The following INVS variants were observed in gnomAD, a reference collection of about 807,000 sequenced individuals.
The protein encoded by INVS is inversion of embryo turning homolog.
A neutral mutation model predicts 108.8 loss-of-function variants in INVS; 86 were observed. The observed-to-expected ratio is 0.79, with a 90% CI of 0.66 to 0.95. INVS has a LOEUF of 0.95. Among genes scored for constraint, INVS ranks in the 40% least tolerant of loss-of-function variants. The pLI, the probability that INVS is intolerant of heterozygous loss-of-function variation, is 0.00. For synonymous variants in INVS, 455 were observed against 473.5 expected (o/e 0.96, Z 0.51); for missense variants, 1,169 against 1,297.4 (o/e 0.90, Z 1.52).
intron 4 of INVS, among the ~76,000 whole-genome samples, chr9:100,227,406 C>T (rs1403411568): frequency 1.3e-5 from 2 of 152,124 alleles, no homozygotes; most frequent in Non-Finnish European, 2.9e-5. Context: ...GATTGGATTG[C>T]TGACAATGCT....
At chr9:100,220,771 C>T (rs941520866) in intron 3 of INVS, among the ~76,000 whole-genome samples, 1 of 152,040 alleles carries the variant, frequency 6.6e-6, no homozygotes, top group Admixed American at 6.6e-5. Context: ...CTGAGGCAGG[C>T]GGATCACCTG....
chr9:100,122,564 TTAAG>T (rs1456771518), intron 2 of INVS, among the ~76,000 whole-genome samples: 1 of 147,844 alleles, frequency 6.8e-6, no homozygotes, highest in Non-Finnish European at 1.5e-5. Flanking sequence ...TTATTGTATT[TTAAG>T]TGAGTTTCTT....
intron 2 of INVS, among the ~76,000 whole-genome samples, chr9:100,121,975 T>C (rs1198014719): frequency 1.3e-5 from 2 of 152,230 alleles, no homozygotes; most frequent in Non-Finnish European, 2.9e-5. Context: ...AAATATTTTG[T>C]TATTTCTTGT....
At chr9:100,272,703 A>C (rs1266630563) in intron 11 of INVS, among the ~76,000 whole-genome samples, 161 bp from the exon 12 acceptor site, 25 of 152,162 alleles carry the variant, frequency 1.6e-4, no homozygotes, top group Non-Finnish European at 1.5e-5. Flanking sequence ...CCCTCGGAGA[A>C]AAAAAGAATA....
intron 3 of INVS, among the ~76,000 whole-genome samples, chr9:100,141,890 G>A (rs966158196): frequency 6.6e-6 from 1 of 152,206 alleles, no homozygotes; most frequent in African/African-American, 2.4e-5. Context: ...ATGGGCCTGT[G>A]AGGCTGGAAG....
chr9:100,268,254 T>C (rs1415826918), intron 11 of INVS, among the ~76,000 whole-genome samples: 2 of 152,216 alleles, frequency 1.3e-5, no homozygotes, highest in South Asian at 4.1e-4. Context: ...TGGGGAGATG[T>C]GCTGTGCTAC....
intron 3 of INVS, among the ~76,000 whole-genome samples, chr9:100,176,645 T>G (rs1564145227): frequency 6.6e-6 from 1 of 151,952 alleles, no homozygotes; most frequent in Non-Finnish European, 1.5e-5. Context: ...CCCAGCTATT[T>G]TGTTGTATTT....
intron 3 of INVS, among the ~76,000 whole-genome samples, chr9:100,223,793 C>T (rs1360973129): frequency 6.6e-6 from 1 of 152,258 alleles, no homozygotes; most frequent in Non-Finnish European, 1.5e-5. Context: ...TACAGATCCT[C>T]TTTCCTAGCC....
intron 5 of INVS, among the ~76,000 whole-genome samples, chr9:100,235,363 T>A (rs1831653145): frequency 6.6e-6 from 1 of 152,240 alleles, no homozygotes; most frequent in Non-Finnish European, 1.5e-5. Flanking sequence ...TTAGCCCATT[T>A]ACATTTATGG....
intron 16 of INVS, chr9:100,298,239 G>A: frequency 1.4e-6 from 2 of 1,425,246 alleles, no homozygotes; most frequent in Non-Finnish European, 9.2e-7. Context: ...GAAATAAATG[G>A]TAGCTATTAT....
intron 5 of INVS, among the ~76,000 whole-genome samples, chr9:100,235,590 A>G (rs977574647): frequency 6.6e-6 from 1 of 152,112 alleles, no homozygotes; most frequent in African/African-American, 2.4e-5. Context: ...GCATTTGCTT[A>G]TCTGTAAAGG....
intron 8 of INVS, among the ~76,000 whole-genome samples, chr9:100,248,886 G>GA (rs895422281): frequency 2.7e-5 from 4 of 149,934 alleles, no homozygotes; most frequent in African/African-American, 7.3e-5. Flanking sequence ...TCTTTTTTTA[G>GA]AAAAAAAAAG....
chr9:100,276,793 C>A (rs1041921517), intron 12 of INVS, among the ~76,000 whole-genome samples: 3 of 152,188 alleles, frequency 2.0e-5, no homozygotes, highest in African/African-American at 2.4e-5. Context: ...GCATGAGCCA[C>A]CACGCCCAGC....
intron 8 of INVS, among the ~76,000 whole-genome samples, chr9:100,249,130 C>G (rs1297070971): frequency 6.6e-6 from 1 of 151,916 alleles, no homozygotes; most frequent in Non-Finnish European, 1.5e-5. Context: ...CCTTTTCCCC[C>G]AAATGAAAAT....
At chr9:100,110,601 C>G (rs1564116870) in intron 2 of INVS, among the ~76,000 whole-genome samples, 1 of 152,112 alleles carries the variant, frequency 6.6e-6, no homozygotes, top group Non-Finnish European at 1.5e-5. Flanking sequence ...TTCTGGCAAT[C>G]TGGTAAGCTT....
intron 6 of INVS, among the ~76,000 whole-genome samples, chr9:100,242,191 T>C (rs1449175827): frequency 6.6e-6 from 1 of 152,160 alleles, no homozygotes; most frequent in Admixed American, 6.6e-5. Flanking sequence ...AACGGAACCT[T>C]GAGAGTAGGA....
chr9:100,300,541 T>C lies in INVS; in HGVS notation c.3092-27T>C, dbSNP rs912923659. On this transcript the variant is annotated intron_variant, in intron 16 of 16. Transcript: ENST00000262457. Reference sequence around the variant, plus strand: ...TCAGCCTTAAAATTAATAACCTTAATATCTATCTGGTATTTGTTTTTAACA... The same window carrying C: ...TCAGCCTTAAAATTAATAACCTTAACATCTATCTGGTATTTGTTTTTAACA... 9.4e-6 allele frequency: 13 copies of C among 1,389,020 alleles called. No individual in the cohort carries two copies. The African/African-American group carries it at 1.4e-4, about 15-fold the overall frequency. The allele number at this position is 1,389,020 out of a possible 1,614,324, so 86.0% of individuals were successfully genotyped here. A position where few individuals can be genotyped will look rare whatever the true frequency, so the allele number is the denominator to read the frequency against.
At chr9:100,145,563 G>C (rs1427354783) in intron 3 of INVS, among the ~76,000 whole-genome samples, 2 of 152,028 alleles carry the variant, frequency 1.3e-5, no homozygotes, top group African/African-American at 4.8e-5. Flanking sequence ...GAAGGAGAAG[G>C]GGTTGGGGGG....
intron 8 of INVS, among the ~76,000 whole-genome samples, chr9:100,250,299 G>A (rs561636280): frequency 3.3e-5 from 5 of 151,962 alleles, no homozygotes; most frequent in African/African-American, 4.8e-5. Context: ...TTATCAATAC[G>A]TGGCTAATCT....
Sources: gnomAD v4.1 joint callset for allele counts (sites outside exome capture counted in the v4.1 genomes callset) on GRCh38, gnomAD v4.1.1 for gene constraint, MANE v1.5 for transcripts, NCBI Gene and HGNC (gene_info 2026-07-23, HGNC 2026-07-21) for gene names.